The following PAPPA2 variants were observed in gnomAD, a reference collection of about 807,000 sequenced individuals.
PAPPA2 encodes pappalysin 2, also known as pappalysin-2.
In PAPPA2, 86 loss-of-function variants were observed where a neutral mutation model predicts 176.4. That is an observed-to-expected ratio of 0.49 (90% CI 0.41 to 0.58). The LOEUF is 0.58. PAPPA2 is among the 20% of genes least tolerant of loss of function. The probability of loss-of-function intolerance (pLI) is 0.00; values close to 1 mark genes in which losing one functional copy is unlikely to be tolerated. For missense variants in PAPPA2, 2,073 were observed against 2,256.9 expected (o/e 0.92, Z 1.65); for synonymous variants, 809 against 852.2 (o/e 0.95, Z 0.88).
chr1:176,620,060 A>G (rs1655499810), intron 3 of PAPPA2, among the ~76,000 whole-genome samples: 1 of 152,218 alleles, frequency 6.6e-6, no homozygotes, highest in Non-Finnish European at 1.5e-5. Flanking sequence ...GGGAAGTCCA[A>G]GACCAAGGCA....
chr1:176,642,153 G>C (rs1215529617), intron 3 of PAPPA2, among the ~76,000 whole-genome samples: 1 of 151,774 alleles, frequency 6.6e-6, no homozygotes, highest in African/African-American at 2.4e-5. Context: ...TGAAAGGTAT[G>C]GATAAGTATT....
chr1:176,698,445 C>T (rs1166290529), intron 7 of PAPPA2, among the ~76,000 whole-genome samples: 1 of 152,164 alleles, frequency 6.6e-6, no homozygotes, highest in East Asian at 1.9e-4. Flanking sequence ...AGCTGACTTT[C>T]ATAGATTCGT....
At chr1:176,534,037 G>A (rs184928816) in intron 1 of PAPPA2, among the ~76,000 whole-genome samples, 68 of 152,206 alleles carry the variant, frequency 4.5e-4, no homozygotes, top group African/African-American at 1.3e-3. Context: ...TTGGATATAC[G>A]TATTTGATTA....
intron 6 of PAPPA2, among the ~76,000 whole-genome samples, chr1:176,692,674 G>A (rs1258528266): frequency 6.6e-6 from 1 of 152,206 alleles, no homozygotes; most frequent in Non-Finnish European, 1.5e-5. Flanking sequence ...TTGCAGAGTG[G>A]TGTTGGGGGA....
chr1:176,603,465 G>C (rs1364087946), intron 3 of PAPPA2, among the ~76,000 whole-genome samples: 1 of 152,130 alleles, frequency 6.6e-6, no homozygotes, highest in Admixed American at 6.5e-5. Flanking sequence ...TGGCCGTCAG[G>C]GGTTTTTCTG....
chr1:176,796,309 A>G (rs988511211), intron 20 of PAPPA2, among the ~76,000 whole-genome samples: 3 of 152,224 alleles, frequency 2.0e-5, no homozygotes, highest in Non-Finnish European at 4.4e-5. Context: ...GTAGTGTGCT[A>G]TGGTCTAAAT....
rs544049693 is a variant in PAPPA2, at chr1:176,488,079, C to A, written c.-917+24661C>A. On this transcript the variant is annotated intron_variant, in intron 1 of 22. Transcript: ENST00000367662. ...TCATGTTATTATTCTATTTTATCTG[C>A]ATGATATTGTTGTTTCTCTAGCTGT... Among the ~76,000 whole-genome samples, 16 of 152,226 alleles carry A rather than the reference C, an allele frequency of 1.1e-4. No individual in the cohort carries two copies. In the South Asian group the frequency reaches 3.3e-3, roughly 32 times the overall value.
chr1:176,765,569 C>G, intron 14 of PAPPA2, 97 bp from the exon 15 acceptor site: 2 of 1,206,410 alleles, frequency 1.7e-6, no homozygotes, highest in Middle Eastern at 2.2e-4. Context: ...ATTGTTCTCT[C>G]TGGTTTAGGA....
At chr1:176,833,192 G>A (rs1667144730) in intron 21 of PAPPA2, among the ~76,000 whole-genome samples, 1 of 152,136 alleles carries the variant, frequency 6.6e-6, no homozygotes, top group African/African-American at 2.4e-5. Context: ...AACTTCAACT[G>A]TTAGCCGAAA....
chr1:176,491,889 G>T (rs1356947386), intron 1 of PAPPA2, among the ~76,000 whole-genome samples: 1 of 152,178 alleles, frequency 6.6e-6, no homozygotes, highest in Non-Finnish European at 1.5e-5. Flanking sequence ...TTTAGCAAAG[G>T]TCACATGAGG....
chr1:176,595,291 A>G lies in PAPPA2; in HGVS notation c.1687A>G (p.Ile563Val). ...ALNEAFSRYNISWQLSVHQVH... is the reference protein window; with the variant it reads ...ALNEAFSRYNVSWQLSVHQVH... ...GAATGAGGCCTTCAGCCGCTACAAC[A>G]TCAGCTGGCAGCTGAGCGTCCACCA... is the stretch of plus-strand genomic sequence containing the variant. The change falls in exon 3 of 23, where the codon ATC (isoleucine) becomes GTC (valine). Residue 563 changes from isoleucine to valine, a missense_variant. Ile to Val is a conservative substitution (Grantham distance 29). Around this residue, in one of 4 missense-constraint regions of PAPPA2, gnomAD observed 1,196 missense variants for 1,330.4 expected, o/e 0.90. Coordinates refer to ENST00000367662, the MANE Select transcript of PAPPA2 (RefSeq NM_020318.3). 1.2e-6 allele frequency: 2 copies of G among 1,614,164 alleles called. No individual in the cohort carries two copies. The highest frequency in any genetic ancestry group is 1.7e-6 in the Non-Finnish European group (2 of 1,180,026).
chr1:176,727,168 T>A (rs557953483), intron 12 of PAPPA2, among the ~76,000 whole-genome samples: 59 of 152,096 alleles, frequency 3.9e-4, no homozygotes, highest in Non-Finnish European at 5.3e-4. Context: ...AAGAAATGAA[T>A]AATTGTTGGA....
intron 2 of PAPPA2, among the ~76,000 whole-genome samples, chr1:176,571,645 T>C (rs1343335039): frequency 6.6e-6 from 1 of 152,228 alleles, no homozygotes; most frequent in Non-Finnish European, 1.5e-5. Context: ...TTCTAGTCCG[T>C]GCAAACTCTC....
chr1:176,805,168 A>G (rs16850216), intron 21 of PAPPA2, among the ~76,000 whole-genome samples: 16,216 of 151,460 alleles, frequency 0.11, 2,917 homozygotes, highest in African/African-American at 0.37. Context: ...ACAATCCTAG[A>G]TTCTACTTAA....
chr1:176,658,963 A>G (rs745856803), intron 3 of PAPPA2, among the ~76,000 whole-genome samples: 3 of 152,170 alleles, frequency 2.0e-5, no homozygotes, highest in Non-Finnish European at 1.5e-5. Context: ...AAATGCAGAT[A>G]TATTATACAT....
chr1:176,754,361 A>G (rs1024497635), intron 14 of PAPPA2, among the ~76,000 whole-genome samples: 2 of 152,234 alleles, frequency 1.3e-5, no homozygotes, highest in African/African-American at 4.8e-5. Context: ...TTTAAGTCTC[A>G]ACAATCTCCA....
At chr1:176,758,561 C>T (rs940222070) in intron 14 of PAPPA2, among the ~76,000 whole-genome samples, 2 of 152,134 alleles carry the variant, frequency 1.3e-5, no homozygotes, top group African/African-American at 4.8e-5. Context: ...AGCCCATACC[C>T]TCTTATTTGC....
At position 176,706,363 on chromosome 1, in the gene PAPPA2, C is replaced by A. The variant is rs1401215496; in HGVS notation, c.3370C>A (p.Leu1124Met). ...YCGDGKVSER[L>M]GEECDDGDLV... The stretch of plus-strand genomic sequence containing the variant: ...CATATATATTTTACCCTCTAGGAGA[C>A]TGGGAGAAGAGTGTGATGATGGAGA... Residue 1124 changes from leucine (L) to methionine (M), a missense_variant, in exon 10 of 23, where the codon CTG (leucine) becomes ATG (methionine). By Grantham distance (15) the Leu-to-Met change is conservative (BLOSUM62 2). Around this residue, in one of 4 missense-constraint regions of PAPPA2, gnomAD observed 846 missense variants for 857.9 expected, o/e 0.99. Coordinates refer to ENST00000367662, the MANE Select transcript of PAPPA2 (RefSeq NM_020318.3). The A allele has an allele frequency of 6.2e-7, 1 of 1,613,452 alleles. No individual in the cohort carries two copies. Among genetic ancestry groups the A allele is most frequent in the Admixed American group, 1.7e-5 (1 of 59,976 alleles).
At chr1:176,520,482 T>C (rs906572146) in intron 1 of PAPPA2, among the ~76,000 whole-genome samples, 4 of 152,218 alleles carry the variant, frequency 2.6e-5, no homozygotes, top group Admixed American at 2.6e-4. Context: ...CAGTGATACA[T>C]GGCTATCACC....
Sources: allele counts gnomAD v4.1 joint callset (sites outside exome capture counted in the v4.1 genomes callset), GRCh38; gene constraint gnomAD v4.1.1; regional missense constraint gnomAD v4.1.1; transcripts MANE v1.5; gene names NCBI Gene and HGNC (gene_info 2026-07-23, HGNC 2026-07-21).